Variants in QSOX2 observed in about 807,000 individuals in gnomAD.
QSOX2 encodes the protein sulfhydryl oxidase 2.
QSOX2 carries 46 observed loss-of-function variants against 61.7 expected under a neutral mutation model. The observed-to-expected ratio is 0.75, with a 90% confidence interval of 0.59 to 0.95. The LOEUF is 0.95. Among genes scored for constraint, QSOX2 ranks in the 40% least tolerant of loss-of-function variants. The pLI is 0.00. For synonymous variants in QSOX2, 383 were observed against 388.4 expected (o/e 0.99, Z 0.16); for missense variants, 879 against 918.9 (o/e 0.96, Z 0.56).
intron 2 of QSOX2, among the ~76,000 whole-genome samples, chr9:136,226,431 CTT>C (rs1324444127): frequency 6.6e-6 from 1 of 152,214 alleles, no homozygotes; most frequent in East Asian, 1.9e-4. Flanking sequence ...ACACGCGTGG[CTT>C]CAGGCTGGGG....
rs1357972117 is a variant in QSOX2 at position 136,222,887 on chromosome 9, A to G, written c.675+876T>C. ...CAGGGGTGAGGGGTCTGGGAGAGCC[A>G]CACACTGCTAGCGGTTCCTCAGCCC... On this transcript the variant is annotated intron_variant, in intron 5 of 11. Coordinates refer to ENST00000358701, the MANE Select transcript of QSOX2 (RefSeq NM_181701.4). The surrounding 1 kb of genome is among the most constrained non-coding windows in gnomAD (Gnocchi z 6.9). 6.6e-6 allele frequency among the ~76,000 whole-genome samples: 1 copy of G among 152,172 alleles called. No individual in the cohort carries two copies. The highest frequency in any genetic ancestry group is 2.4e-5 in the African/African-American group (1 of 41,454).
At position 136,221,827 on chromosome 9, in the gene QSOX2, A is replaced by G. The variant is rs1389203090; in HGVS notation, c.790T>C (p.Tyr264His). The change falls in exon 6 of 12, where the codon TAC becomes CAC. Residue 264 changes from tyrosine (Y) to histidine (H), a missense_variant. Transcript: ENST00000358701. This position sits in a 1 kb window ranked among gnomAD's most constrained non-coding sequence, Gnocchi z 4.5. ...VSSVPSCYLI[Y>H]PNGSHGLINV... ...ATCAATCCATGCGACCCATTTGGGT[A>G]GATCAGGTAACACGAAGGGACTGAA... 1 of 1,612,254 alleles carries G rather than the reference A, an allele frequency of 6.2e-7. No homozygotes were observed. The highest frequency in any genetic ancestry group is 8.5e-7 in the Non-Finnish European group (1 of 1,179,154).
chr9:136,225,577 C>T (rs1830273116), intron 2 of QSOX2, among the ~76,000 whole-genome samples: 1 of 152,320 alleles, frequency 6.6e-6, no homozygotes, highest in Non-Finnish European at 1.5e-5. Context: ...GGTCCCTGGG[C>T]GAGCACAAAA....
At chr9:136,224,999 G>A (rs931487512) in intron 2 of QSOX2, 90 bp from the exon 3 acceptor site, 5 of 837,086 alleles carry the variant, frequency 6.0e-6, no homozygotes, top group Non-Finnish European at 9.3e-6. Flanking sequence ...ACCTTAGAGG[G>A]AGCTTTACTC....
At chr9:136,236,670 CGTCCTGTGCCAGCGACACCTGAAGCCA>C (rs1237945287) in intron 1 of QSOX2, among the ~76,000 whole-genome samples, 3 of 152,244 alleles carry the variant, frequency 2.0e-5, no homozygotes, top group Non-Finnish European at 2.9e-5. Context: ...ATCTGAAGCC[CGTCCTGTGCCAGCGACACCTGAAGCCA>C]GTCCTGTGCC....
At position 136,218,933 on chromosome 9, in the gene QSOX2, G is replaced by A. The variant is rs1831947597; in HGVS notation, c.956+97C>T. The stretch of plus-strand genomic sequence containing the variant: ...GAGGGCTCCTGAGCGGCCCTCACTG[G>A]CTGGGGTGGGTTTCTGAGTAAACCC... On this transcript the variant is annotated intron_variant, in intron 7 of 11. Coordinates refer to ENST00000358701, the MANE Select transcript of QSOX2 (RefSeq NM_181701.4). 7 of 1,571,588 alleles carry A rather than the reference G, an allele frequency of 4.5e-6. No homozygotes were observed. In the Admixed American group the frequency reaches 5.3e-5, roughly 12 times the overall value.
chr9:136,241,137 G>A (rs1017155392), intron 1 of QSOX2, among the ~76,000 whole-genome samples: 3 of 152,196 alleles, frequency 2.0e-5, no homozygotes, highest in South Asian at 2.1e-4. Context: ...CGGCTGCTCC[G>A]ATGCACCATC....
chr9:136,232,625 G>T (rs1830341378), intron 1 of QSOX2, among the ~76,000 whole-genome samples: 1 of 152,090 alleles, frequency 6.6e-6, no homozygotes, highest in South Asian at 2.1e-4. Context: ...ACAGAGAAAG[G>T]TAAACCACTG....
rs199709197 is a variant in QSOX2, at chr9:136,219,028, G to A, written c.956+2C>T. On this transcript the variant is annotated splice_donor_variant, in intron 7 of 11. Transcript: ENST00000358701. LOFTEE classifies it low-confidence loss of function (GC_TO_GT_DONOR). ...GGGCTTCAGTTCAAGAGGAACACTT[G>A]CTTGTCAAATTCTCTCCAAACCACG... 1.2e-6 allele frequency: 2 copies of A among 1,613,992 alleles called. No homozygotes were observed. The highest frequency in any genetic ancestry group is 1.3e-5 in the African/African-American group (1 of 75,016).
chr9:136,208,717 C>T lies in QSOX2; in HGVS notation c.*11G>A, dbSNP rs752073484. 2 of 1,593,220 alleles carry T rather than the reference C, an allele frequency of 1.3e-6. No homozygotes were observed. The highest frequency in any genetic ancestry group is 3.4e-5 in the Admixed American group (2 of 58,750). On this transcript the variant is annotated 3_prime_UTR_variant, in exon 12 of 12. Transcript: ENST00000358701. ...AGGGAGCTTCCGCCGTGGCTGGCAGCACCCGGGCACTCACACGGCCGGGTG... is the reference window on the plus strand; with the variant it reads ...AGGGAGCTTCCGCCGTGGCTGGCAGTACCCGGGCACTCACACGGCCGGGTG...
At chr9:136,228,879 T>A (rs962394106) in intron 1 of QSOX2, among the ~76,000 whole-genome samples, 1 of 152,194 alleles carries the variant, frequency 6.6e-6, no homozygotes, top group Admixed American at 6.5e-5. Flanking sequence ...CTATAAATCA[T>A]GTAAAAAGAG....
chr9:136,236,319 G>A (rs1463596668), intron 1 of QSOX2, among the ~76,000 whole-genome samples: 4 of 151,804 alleles, frequency 2.6e-5, no homozygotes, highest in Non-Finnish European at 4.4e-5. Context: ...GTGCGGAGAT[G>A]GGGCAGATGC....
chr9:136,241,721 G>A (rs2131071595), intron 1 of QSOX2, among the ~76,000 whole-genome samples: 1 of 152,330 alleles, frequency 6.6e-6, no homozygotes, highest in South Asian at 2.1e-4. Flanking sequence ...AGGTGTGGGA[G>A]GACTCGGCCT....
chr9:136,211,022 C>T (rs1220507795), intron 11 of QSOX2: 13 of 600,338 alleles, frequency 2.2e-5, no homozygotes, highest in Non-Finnish European at 2.3e-5. Flanking sequence ...CCCATTTCCA[C>T]GGGGTCGAAG....
chr9:136,209,687 C>T lies in QSOX2; in HGVS notation c.1550-412G>A, dbSNP rs1201755136. The T allele has an allele frequency of 2.2e-5, 22 of 984,954 alleles. No homozygotes were observed. Among genetic ancestry groups the T allele is most frequent in the South Asian group, 1.4e-4 (3 of 21,276 alleles). 61.0% of individuals were successfully genotyped at this position (984,954 alleles called of 1,614,324 possible). A position where few individuals can be genotyped will look rare whatever the true frequency, so the allele number is the denominator to read the frequency against. On this transcript the variant is annotated intron_variant, in intron 11 of 11. Coordinates refer to ENST00000358701, the MANE Select transcript of QSOX2 (RefSeq NM_181701.4). The surrounding 1 kb of genome is among the most constrained non-coding windows in gnomAD (Gnocchi z 5.6). The stretch of plus-strand genomic sequence containing the variant: ...CCCACTGCTGCCCCTCTGCCCTTTC[C>T]TGAGGGTGCACCTGAGGCCCACTAC...
chr9:136,213,214 GGCTCAC>G (rs1831868880), intron 10 of QSOX2, among the ~76,000 whole-genome samples: 1 of 151,322 alleles, frequency 6.6e-6, no homozygotes, highest in Non-Finnish European at 1.5e-5. Context: ...TCCTAACTCA[GGCTCAC>G]GCTTCAGAAG....
Position 136,216,583 on chromosome 9 carries a change from A to G in QSOX2, c.1209+17T>C. ...GAAGGAGGGTGCAGCGTGGCTGGCG[A>G]GGGTTCTGGGGCTCACCCGCATCTT... On this transcript the variant is annotated intron_variant, in intron 9 of 11. Transcript: ENST00000358701. 6.2e-7 allele frequency: 1 copy of G among 1,612,608 alleles called. No individual in the cohort carries two copies. The highest frequency in any genetic ancestry group is 8.5e-7 in the Non-Finnish European group (1 of 1,179,106).
In QSOX2 at chr9:136,216,636, G is replaced by A. The variant is rs1298492696; in HGVS notation, c.1173C>T (p.Tyr391=). 3 of 1,613,868 alleles carry A rather than the reference G, an allele frequency of 1.9e-6. No homozygotes were observed. Among genetic ancestry groups the A allele is most frequent in the South Asian group, 1.1e-5 (1 of 91,092 alleles). The change falls in exon 9 of 12, where the codon TAC becomes TAT. Residue 391 remains tyrosine, a synonymous_variant. Transcript: ENST00000358701. ...LASLPLDRIP[Y]NAVLDLVNNK... ...TGTTGACCAGGTCAAGCACGGCGTT[G>A]TAGGGGATCCTGTCCAGGGGAAGGC...
chr9:136,209,300 GC>G lies in QSOX2; in HGVS notation c.1550-26del, dbSNP rs759097294. 2.5e-6 allele frequency: 4 copies of G among 1,602,306 alleles called. No homozygotes were observed. Among genetic ancestry groups the G allele is most frequent in the Non-Finnish European group, 2.6e-6 (3 of 1,172,690 alleles). On this transcript the variant is annotated intron_variant, in intron 11 of 11. Coordinates refer to ENST00000358701, the MANE Select transcript of QSOX2 (RefSeq NM_181701.4). This position sits in a 1 kb window ranked among gnomAD's most constrained non-coding sequence, Gnocchi z 5.6. ...CCTAGGAAGAAAAGGAAGCGGGAGA[GC>G]CAGAGGGAAGGAGGCTTTGTGCAGC... is the stretch of plus-strand genomic sequence containing the variant.
Sources: gnomAD v4.1 joint callset for allele counts (sites outside exome capture counted in the v4.1 genomes callset) on GRCh38, gnomAD v4.1.1 for gene constraint, Gnocchi (gnomAD v3.1) non-coding constraint, MANE v1.5 for transcripts, NCBI Gene and HGNC (gene_info 2026-07-23, HGNC 2026-07-21) for gene names.